The following TRPM3 variants were observed in gnomAD, a reference collection of about 807,000 sequenced individuals.
The protein encoded by TRPM3 is transient receptor potential cation channel subfamily M member 3, also known as long transient receptor potential channel 3.
TRPM3 carries 77 observed loss-of-function variants against 181.2 expected under a neutral mutation model. That is an observed-to-expected ratio of 0.42 (90% confidence interval 0.35 to 0.51). The LOEUF (loss-of-function observed/expected upper bound fraction) is 0.51, where lower values mean the gene tolerates loss of function less well. Among genes scored for constraint, TRPM3 ranks in the 20% least tolerant of loss-of-function variants. The pLI is 0.01. For missense variants in TRPM3, 1,759 were observed against 2,196.7 expected (o/e 0.80, Z 3.98); for synonymous variants, 745 against 796.4 (o/e 0.94, Z 1.09).
intron 1 of TRPM3, among the ~76,000 whole-genome samples, chr9:71,107,227 T>G (rs2069849924): frequency 6.6e-6 from 1 of 152,160 alleles, no homozygotes; most frequent in South Asian, 2.1e-4. Flanking sequence ...ACTTCATACT[T>G]CATTCCCTTC....
intron 9 of TRPM3, among the ~76,000 whole-genome samples, chr9:70,655,305 C>CAAAAAAAAAAAA (rs1169901529): frequency 8.2e-3 from 271 of 32,854 alleles, no homozygotes; most frequent in Non-Finnish European, 9.8e-3. Flanking sequence ...GACTCCGTCT[C>CAAAAAAAAAAAA]AAAAAAAAAA....
In TRPM3 at chr9:71,053,711, G is replaced by A. The variant is rs113937698; in HGVS notation, c.177+67467C>T. Reference sequence around the variant, plus strand: ...GACTTGGCAGCAGATGCTTCTTTCCGGTTCCTGGTCTGCCTCCTCACACTC... The same window carrying A: ...GACTTGGCAGCAGATGCTTCTTTCCAGTTCCTGGTCTGCCTCCTCACACTC... On this transcript the variant is annotated intron_variant, in intron 1 of 25. Transcript: ENST00000677713. Among the ~76,000 whole-genome samples the A allele has an allele frequency of 7.1e-3, 1,073 of 152,152 alleles. 14 individuals carry two copies. The highest frequency in any genetic ancestry group is 0.015 in the Admixed American group (228 of 15,280).
intron 1 of TRPM3, among the ~76,000 whole-genome samples, chr9:70,970,738 G>A (rs1411120163): frequency 6.6e-6 from 1 of 152,174 alleles, no homozygotes; most frequent in Non-Finnish European, 1.5e-5. Flanking sequence ...TTCTCTGTGC[G>A]TTGTGTTGAC....
intron 6 of TRPM3, among the ~76,000 whole-genome samples, chr9:70,796,580 C>T (rs973859570): frequency 6.6e-6 from 1 of 152,172 alleles, no homozygotes; most frequent in African/African-American, 2.4e-5. Flanking sequence ...AAAAGAAGCA[C>T]ATGCCAATGA....
intron 1 of TRPM3, among the ~76,000 whole-genome samples, chr9:70,894,087 G>C (rs563742598): frequency 6.6e-6 from 1 of 152,262 alleles, no homozygotes; most frequent in African/African-American, 2.4e-5. Flanking sequence ...ATATATAATA[G>C]AATGAAAAGG....
chr9:71,205,805 A>C (rs1257356569), intron 1 of TRPM3, among the ~76,000 whole-genome samples: 1 of 152,236 alleles, frequency 6.6e-6, no homozygotes, highest in East Asian at 1.9e-4. Context: ...GACTGTCATC[A>C]GAATGAGCAA....
At chr9:71,200,238 C>T (rs1322661913) in intron 1 of TRPM3, among the ~76,000 whole-genome samples, 9 of 152,008 alleles carry the variant, frequency 5.9e-5, no homozygotes, top group South Asian at 2.1e-4. Context: ...GTCTGAGAGA[C>T]AGTTTGTTAT....
intron 1 of TRPM3, among the ~76,000 whole-genome samples, chr9:71,333,902 G>A (rs886492040): frequency 3.3e-5 from 5 of 151,740 alleles, no homozygotes; most frequent in African/African-American, 4.8e-5. Flanking sequence ...AAACCAATTC[G>A]TTTAATAGCT....
intron 1 of TRPM3, among the ~76,000 whole-genome samples, chr9:70,932,171 T>A (rs2096781681): frequency 6.6e-6 from 1 of 152,126 alleles, no homozygotes; most frequent in African/African-American, 2.4e-5. Context: ...TAGATTTGCT[T>A]TATATGCCTC....
chr9:70,778,733 T>C (rs1309350090), intron 7 of TRPM3, among the ~76,000 whole-genome samples: 1 of 152,156 alleles, frequency 6.6e-6, no homozygotes, highest in Non-Finnish European at 1.5e-5. Context: ...TACAAACCAC[T>C]GAGATCAATT....
At chr9:70,560,864 C>T (rs1459493835) in intron 22 of TRPM3, among the ~76,000 whole-genome samples, 3 of 152,140 alleles carry the variant, frequency 2.0e-5, no homozygotes, top group African/African-American at 7.2e-5. Flanking sequence ...GGCACCTCCA[C>T]CCCAAAGATT....
At chr9:70,993,024 G>T (rs771307358) in intron 1 of TRPM3, among the ~76,000 whole-genome samples, 1 of 152,126 alleles carries the variant, frequency 6.6e-6, no homozygotes, top group Admixed American at 6.6e-5. Flanking sequence ...TTATGTGCTT[G>T]GTTGAGGGAC....
At chr9:71,036,366 C>T (rs1324196115) in intron 1 of TRPM3, among the ~76,000 whole-genome samples, 2 of 152,168 alleles carry the variant, frequency 1.3e-5, no homozygotes, top group Non-Finnish European at 2.9e-5. Context: ...AATTCTGCCT[C>T]TTCAATTTTC....
At chr9:70,796,833 A>G (rs534737776) in intron 6 of TRPM3, among the ~76,000 whole-genome samples, 10 of 152,142 alleles carry the variant, frequency 6.6e-5, no homozygotes, top group African/African-American at 1.2e-4. Flanking sequence ...TTTGGGGTAC[A>G]AAGGAAGGCA....
chr9:70,930,876 G>GA (rs994013903), intron 1 of TRPM3, among the ~76,000 whole-genome samples: 2 of 151,474 alleles, frequency 1.3e-5, no homozygotes, highest in African/African-American at 4.8e-5. Flanking sequence ...AAGTGGCTGA[G>GA]AAAAAAATAA....
intron 1 of TRPM3, among the ~76,000 whole-genome samples, chr9:71,083,713 TACACAC>T (rs34900575): frequency 9.1e-4 from 133 of 145,370 alleles, no homozygotes; most frequent in South Asian, 7.7e-3. Context: ...TATTATTATG[TACACAC>T]ACACACACAC....
At chr9:70,572,443 T>C (rs1340532098) in intron 22 of TRPM3, among the ~76,000 whole-genome samples, 2 of 152,218 alleles carry the variant, frequency 1.3e-5, no homozygotes, top group African/African-American at 4.8e-5. Flanking sequence ...ACAAATTTCA[T>C]TAGTTTTCCA....
rs1388855823 is a variant in TRPM3 at position 71,113,451 on chromosome 9, AG to A, written c.177+7726del. Among the ~76,000 whole-genome samples, 4 of 152,294 alleles carry A rather than the reference AG, an allele frequency of 2.6e-5. No individual in the cohort carries two copies. The East Asian group carries it at 7.7e-4, about 29-fold the overall frequency. On this transcript the variant is annotated intron_variant, in intron 1 of 25. Coordinates refer to ENST00000677713, the MANE Select transcript of TRPM3 (RefSeq NM_001366145.2). ...AGATGAGAGGGAGCTTGCTTGATTC[AG>A]CAATGGCCACTTGATTAGGGCAGCA... is the stretch of plus-strand genomic sequence containing the variant.
chr9:71,437,486 G>A (rs2309924), intron 1 of TRPM3, among the ~76,000 whole-genome samples: 85,187 of 152,088 alleles, frequency 0.56, 28,797 homozygotes, highest in Non-Finnish European at 0.76. Flanking sequence ...ACACAGCCAT[G>A]ACCATTTATT....
Sources: allele counts gnomAD v4.1 joint callset (sites outside exome capture counted in the v4.1 genomes callset), GRCh38; gene constraint gnomAD v4.1.1; transcripts MANE v1.5; gene names NCBI Gene and HGNC (gene_info 2026-07-23, HGNC 2026-07-21).